Variants in KCNQ1 observed in about 807,000 individuals in gnomAD.
KCNQ1 encodes the protein potassium voltage-gated channel subfamily Q member 1, also known as potassium voltage-gated channel subfamily KQT member 1.
A neutral mutation model predicts 72.4 loss-of-function variants in KCNQ1; 49 were observed. The ratio of observed to expected loss-of-function variants is 0.68; its 90% CI spans 0.54 to 0.86. The LOEUF (loss-of-function observed/expected upper bound fraction) is 0.86. Among genes scored for constraint, KCNQ1 ranks in the 40% least tolerant of loss-of-function variants. The pLI, the probability that KCNQ1 is intolerant of heterozygous loss-of-function variation, is 0.00. For missense variants in KCNQ1, 790 were observed against 945.1 expected (o/e 0.84, Z 2.15); for synonymous variants, 450 against 412.6 (o/e 1.09, Z -1.10).
At chr11:2,839,922 T>C (rs961631780) in intron 15 of KCNQ1, 2 of 152,170 alleles carry the variant, frequency 1.3e-5, no homozygotes, top group Admixed American at 6.5e-5. Flanking sequence ...TCAAAGCATG[T>C]ACAAGAGCGG....
chr11:2,612,324 C>T lies in KCNQ1; in HGVS notation c.1393+23470C>T. 1 of 398,636 alleles carries T rather than the reference C, an allele frequency of 2.5e-6. No homozygotes were observed. The highest frequency in any genetic ancestry group is 4.4e-6 in the Non-Finnish European group (1 of 226,086). The allele number at this position is 398,636 out of a possible 1,614,324, so 24.7% of individuals were successfully genotyped here. Reference sequence around the variant, plus strand: ...CCGTATGAGAATCTAACTAAAGCCTCCCCCAACTGGCTGTGGAAAAATTGT... The same window carrying T: ...CCGTATGAGAATCTAACTAAAGCCTTCCCCAACTGGCTGTGGAAAAATTGT... On this transcript the variant is annotated intron_variant, in intron 10 of 15. Coordinates refer to ENST00000155840, the MANE Select transcript of KCNQ1 (RefSeq NM_000218.3). This position sits in a 1 kb window ranked among gnomAD's most constrained non-coding sequence, Gnocchi z 5.5.
intron 10 of KCNQ1, chr11:2,643,233 G>T (rs1017439010): frequency 2.5e-6 from 1 of 398,210 alleles, no homozygotes; most frequent in East Asian, 3.6e-5. Flanking sequence ...TTGTCTAGAT[G>T]ATCTGTCTAA....
chr11:2,712,409 T>C lies in KCNQ1; in HGVS notation c.1514+50328T>C, dbSNP rs969322735. ...AACAGGAGTCCGGCCTGGGGGATGT[T>C]AGACTCACCAGCCATCCCCTGGAAA... is the stretch of plus-strand genomic sequence containing the variant. On this transcript the variant is annotated intron_variant, in intron 11 of 15. Coordinates refer to ENST00000155840, the MANE Select transcript of KCNQ1 (RefSeq NM_000218.3). This position sits in a 1 kb window ranked among gnomAD's most constrained non-coding sequence, Gnocchi z 6.4. Among the ~76,000 whole-genome samples the C allele has an allele frequency of 2.6e-5, 4 of 152,110 alleles. No individual in the cohort carries two copies. Among genetic ancestry groups the C allele is most frequent in the Non-Finnish European group, 4.4e-5 (3 of 67,996 alleles).
intron 10 of KCNQ1, chr11:2,641,613 C>T: frequency 2.5e-6 from 1 of 398,346 alleles, no homozygotes; most frequent in Non-Finnish European, 4.4e-6. Flanking sequence ...GATTGTTTCC[C>T]TTGTTGTGTA....
In KCNQ1 at chr11:2,654,507, GC is replaced by G; in HGVS notation, c.1394-7451del. ...TACAGGGGAGGGGGCAATCTCCGGAGCCCTGGAAAGCTTGTGGAAGAGGGCT... is the reference window on the plus strand; with the variant it reads ...TACAGGGGAGGGGGCAATCTCCGGAGCCTGGAAAGCTTGTGGAAGAGGGCT... On this transcript the variant is annotated intron_variant, in intron 10 of 15. Transcript: ENST00000155840. This position sits in a 1 kb window ranked among gnomAD's most constrained non-coding sequence, Gnocchi z 6.4. 1 of 398,772 alleles carries G rather than the reference GC, an allele frequency of 2.5e-6. No homozygotes were observed. The highest frequency in any genetic ancestry group is 6.3e-4 in the Middle Eastern group (1 of 1,586). The allele number at this position is 398,772 out of a possible 1,614,324, so 24.7% of individuals were successfully genotyped here.
intron 10 of KCNQ1, chr11:2,649,403 A>G (rs1849723619): frequency 2.5e-6 from 1 of 397,780 alleles, no homozygotes; most frequent in Non-Finnish European, 4.4e-6. Flanking sequence ...TAGTTTCATG[A>G]TGGTAGATAT....
At chr11:2,616,886 T>C in intron 10 of KCNQ1, 1 of 398,174 alleles carries the variant, frequency 2.5e-6, no homozygotes, top group East Asian at 3.6e-5. Flanking sequence ...TGTTTGTAGG[T>C]CTAGTTGGTT....
intron 10 of KCNQ1, chr11:2,610,035 TATA>T (rs1848953453): frequency 2.5e-6 from 1 of 397,878 alleles, no homozygotes; most frequent in Non-Finnish European, 4.4e-6. Flanking sequence ...TAATTAGATT[TATA>T]TCCACAGTTT....
rs1420344527 is a variant in KCNQ1 at position 2,446,485 on chromosome 11, G to A, written c.386+1001G>A. On this transcript the variant is annotated intron_variant, in intron 1 of 15. Transcript: ENST00000155840. The surrounding 1 kb of genome is among the most constrained non-coding windows in gnomAD (Gnocchi z 8.8). ...GAAGCATCTCCTCTGCCTCGGGCAG[G>A]CTCAGTAGAGAACTGGCTGGAGGGC... Among the ~76,000 whole-genome samples, 1 of 152,200 alleles carries A rather than the reference G, an allele frequency of 6.6e-6. No homozygotes were observed. The highest frequency in any genetic ancestry group is 1.5e-5 in the Non-Finnish European group (1 of 68,034).
At chr11:2,548,543 G>C (rs1289712829) in intron 2 of KCNQ1, among the ~76,000 whole-genome samples, 1 of 152,176 alleles carries the variant, frequency 6.6e-6, no homozygotes, top group Non-Finnish European at 1.5e-5. Context: ...CTCTGGGGGT[G>C]GGGGGACACG....
In KCNQ1 at chr11:2,827,149, T is replaced by C. The variant is rs1311561719; in HGVS notation, c.1795-20618T>C. ...TCACCTCGTGTTGCTGTCCCCCAGGTAGGAGATAAGGGACCAGAGTCAGGG... is the reference window on the plus strand; with the variant it reads ...TCACCTCGTGTTGCTGTCCCCCAGGCAGGAGATAAGGGACCAGAGTCAGGG... On this transcript the variant is annotated intron_variant, in intron 15 of 15. Transcript: ENST00000155840. The surrounding 1 kb of genome is among the most constrained non-coding windows in gnomAD (Gnocchi z 6.7). 9.2e-5 allele frequency among the ~76,000 whole-genome samples: 14 copies of C among 151,890 alleles called. No individual in the cohort carries two copies. The highest frequency in any genetic ancestry group is 9.2e-4 in the Admixed American group (14 of 15,250).
chr11:2,506,912 GGTTTTTGGT>G (rs568703210), intron 1 of KCNQ1, among the ~76,000 whole-genome samples: 16 of 152,164 alleles, frequency 1.1e-4, no homozygotes, highest in African/African-American at 3.6e-4. Flanking sequence ...TCTTCCATTG[GGTTTTTGGT>G]TCTTGGTCTC....
rs1408912411 is a variant in KCNQ1, at chr11:2,787,124, A to G, written c.1794+9087A>G. ...TTTAATTCTAGGCTCAAAGTTTTCT[A>G]GGCCACTTAGGTAGTATGAATTCAA... On this transcript the variant is annotated intron_variant, in intron 15 of 15. Coordinates refer to ENST00000155840, the MANE Select transcript of KCNQ1 (RefSeq NM_000218.3). The surrounding 1 kb of genome is among the most constrained non-coding windows in gnomAD (Gnocchi z 6.3). 5.9e-5 allele frequency among the ~76,000 whole-genome samples: 9 copies of G among 152,124 alleles called. No homozygotes were observed.
intron 11 of KCNQ1, chr11:2,696,969 AT>A (rs545020900): frequency 1.7e-4 from 68 of 394,368 alleles, no homozygotes; most frequent in Middle Eastern, 6.4e-4. Flanking sequence ...AAGTTCCTTA[AT>A]TTTTTTTTTC....
chr11:2,478,872 C>T lies in KCNQ1; in HGVS notation c.386+33388C>T, dbSNP rs1470634115. The stretch of plus-strand genomic sequence containing the variant: ...ACCTATGAGCCTGTAAAATCAAAAG[C>T]AAGTTAGTTAATTCCTAGACACAAT... On this transcript the variant is annotated intron_variant, in intron 1 of 15. Transcript: ENST00000155840. This position sits in a 1 kb window ranked among gnomAD's most constrained non-coding sequence, Gnocchi z 4.0. Among the ~76,000 whole-genome samples, 1 of 152,210 alleles carries T rather than the reference C, an allele frequency of 6.6e-6. No homozygotes were observed. Among genetic ancestry groups the T allele is most frequent in the Non-Finnish European group, 1.5e-5 (1 of 68,040 alleles).
rs58203092 is a variant in KCNQ1, at chr11:2,620,948, G to GTTTTT, written c.1393+32099_1393+32103dup. On this transcript the variant is annotated intron_variant, in intron 10 of 15. Transcript: ENST00000155840. This position sits in a 1 kb window ranked among gnomAD's most constrained non-coding sequence, Gnocchi z 4.5. ...TTTTTTGTTGTTGTTGTTTTGTTTT[G>GTTTTT]TTTTTTTTTGTCTGTTTTTTGCTTT... The GTTTTT allele has an allele frequency of 3.4e-5, 13 of 386,112 alleles. No homozygotes were observed. The highest frequency in any genetic ancestry group is 2.7e-4 in the South Asian group (2 of 7,516). 23.9% of individuals were successfully genotyped at this position (386,112 alleles called of 1,614,324 possible).
intron 10 of KCNQ1, chr11:2,637,558 A>T (rs1849494366): frequency 6.6e-6 from 1 of 152,174 alleles, no homozygotes; most frequent in Non-Finnish European, 1.5e-5. Flanking sequence ...ACAGTTTGTT[A>T]TAGTTTCTGT....
chr11:2,817,236 C>T lies in KCNQ1; in HGVS notation c.1795-30531C>T, dbSNP rs905251104. Among the ~76,000 whole-genome samples the T allele has an allele frequency of 6.6e-6, 1 of 152,218 alleles. No homozygotes were observed. The highest frequency in any genetic ancestry group is 2.4e-5 in the African/African-American group (1 of 41,446). On this transcript the variant is annotated intron_variant, in intron 15 of 15. Coordinates refer to ENST00000155840, the MANE Select transcript of KCNQ1 (RefSeq NM_000218.3). The surrounding 1 kb of genome is among the most constrained non-coding windows in gnomAD (Gnocchi z 6.1). ...TGCCTTTGACATGAAAATGTTTTTGCAGCAGGCTCGGATGCCAGCATTTTT... is the reference window on the plus strand; with the variant it reads ...TGCCTTTGACATGAAAATGTTTTTGTAGCAGGCTCGGATGCCAGCATTTTT...
chr11:2,772,972 G>C lies in KCNQ1; in HGVS notation c.1591-2988G>C, dbSNP rs1207298045. Among the ~76,000 whole-genome samples, 2 of 152,206 alleles carry C rather than the reference G, an allele frequency of 1.3e-5. No individual in the cohort carries two copies. The highest frequency in any genetic ancestry group is 2.9e-5 in the Non-Finnish European group (2 of 68,044). The stretch of plus-strand genomic sequence containing the variant: ...ACTCATGCCATGTTCAATGTGTTCT[G>C]AAGAGAGGCTTCGGCCACAGCTGGC... On this transcript the variant is annotated intron_variant, in intron 12 of 15. Transcript: ENST00000155840. The surrounding 1 kb of genome is among the most constrained non-coding windows in gnomAD (Gnocchi z 6.6).
Sources: gnomAD v4.1 joint callset for allele counts (sites outside exome capture counted in the v4.1 genomes callset) on GRCh38, gnomAD v4.1.1 for gene constraint, Gnocchi (gnomAD v3.1) non-coding constraint, MANE v1.5 for transcripts, NCBI Gene and HGNC (gene_info 2026-07-23, HGNC 2026-07-21) for gene names.